Variants in EXOC6 observed in about 807,000 individuals in gnomAD.
EXOC6 encodes SEC15-like 1.
Under a neutral mutation model 112.5 loss-of-function variants are expected in EXOC6, and 60 were observed. That is an observed-to-expected ratio of 0.53 (90% CI 0.43 to 0.66). The LOEUF (loss-of-function observed/expected upper bound fraction) is 0.66. Ranked by LOEUF, EXOC6 falls within the 30% of genes least tolerant of loss-of-function variation. The pLI, the probability that EXOC6 is intolerant of heterozygous loss-of-function variation, is 0.00. For missense variants in EXOC6, 855 were observed against 957.1 expected (o/e 0.89, Z 1.41); for synonymous variants, 295 against 308.0 (o/e 0.96, Z 0.44).
chr10:92,855,718 A>C (rs781003278), intron 1 of EXOC6, among the ~76,000 whole-genome samples: 12 of 150,954 alleles, frequency 7.9e-5, no homozygotes, highest in Non-Finnish European at 1.8e-4. Context: ...TCTTATTTTT[A>C]TTTCTGTAAC....
At chr10:92,845,552 CAAAAAAA>C (rs1169907413), upstream of EXOC6, among the ~76,000 whole-genome samples, 4 of 65,544 alleles carry the variant, frequency 6.1e-5, no homozygotes, top group East Asian at 1.0e-3. Flanking sequence ...GACTCCATCT[CAAAAAAA>C]AAAAAAAAAA....
chr10:92,922,494 A>C (rs1054741274), intron 8 of EXOC6, among the ~76,000 whole-genome samples: 1 of 152,242 alleles, frequency 6.6e-6, no homozygotes, highest in Non-Finnish European at 1.5e-5. Flanking sequence ...AAAGGGTTAC[A>C]TTAATATGTA....
intron 17 of EXOC6, among the ~76,000 whole-genome samples, chr10:92,963,734 TCTC>T (rs1854148441): frequency 6.6e-6 from 1 of 152,102 alleles, no homozygotes; most frequent in Non-Finnish European, 1.5e-5. Context: ...GCTTAAGTGA[TCTC>T]CTGCCTCAGC....
At chr10:92,917,715 A>G (rs1315829533) in intron 7 of EXOC6, among the ~76,000 whole-genome samples, 1 of 152,004 alleles carries the variant, frequency 6.6e-6, no homozygotes, top group African/African-American at 2.4e-5. Context: ...AATTTCTTAT[A>G]GAGACAGAGG....
chr10:92,873,469 C>T (rs1026404464), intron 1 of EXOC6, among the ~76,000 whole-genome samples: 18 of 152,080 alleles, frequency 1.2e-4, no homozygotes, highest in African/African-American at 3.9e-4. Context: ...TACAGAAAAT[C>T]GTTCTTCATT....
At chr10:92,950,253 A>G (rs1233365656) in intron 14 of EXOC6, among the ~76,000 whole-genome samples, 1 of 152,160 alleles carries the variant, frequency 6.6e-6, no homozygotes, top group African/African-American at 2.4e-5. Flanking sequence ...TATAATTTTC[A>G]ATTAAAACTA....
chr10:92,967,737 G>A (rs1842126579), intron 17 of EXOC6, among the ~76,000 whole-genome samples: 1 of 152,178 alleles, frequency 6.6e-6, no homozygotes, highest in African/African-American at 2.4e-5. Context: ...TGCAGCGAAA[G>A]ATAGGAGCAA....
chr10:93,058,401 G>A lies in EXOC6; in HGVS notation c.*46G>A, dbSNP rs202128930. On this transcript the variant is annotated 3_prime_UTR_variant, in exon 22 of 22. Transcript: ENST00000260762. ...AGTGACACCAAATCCATGATTCAAT[G>A]TTGATCTTGAGCAAGTATTGGTCAT... 132 of 1,525,948 alleles carry A rather than the reference G, an allele frequency of 8.7e-5. No individual in the cohort carries two copies. In the African/African-American group the frequency reaches 1.7e-3, roughly 19 times the overall value. The allele number at this position is 1,525,948 out of a possible 1,614,324, so 94.5% of individuals were successfully genotyped here.
intron 17 of EXOC6, among the ~76,000 whole-genome samples, chr10:92,973,629 C>G (rs998423290): frequency 6.6e-6 from 1 of 152,210 alleles, no homozygotes. Flanking sequence ...TGCTTAAACT[C>G]AAAGCACTGG....
intron 1 of EXOC6, among the ~76,000 whole-genome samples, chr10:92,860,599 T>C (rs1437808126): frequency 1.3e-5 from 2 of 152,196 alleles, no homozygotes; most frequent in Non-Finnish European, 2.9e-5. Context: ...GAAACTCTTA[T>C]TAAACACTAA....
intron 4 of EXOC6, among the ~76,000 whole-genome samples, chr10:92,896,147 G>GTGTGTGTGTGTGTATATATA (rs1432410468): frequency 1.2e-4 from 3 of 24,486 alleles, no homozygotes; most frequent in African/African-American, 6.9e-4. Context: ...GTATGTATGT[G>GTGTGTGTGTGTGTATATATA]TATATATATA....
chr10:93,036,632 G>C (rs1845528639), intron 20 of EXOC6, among the ~76,000 whole-genome samples: 1 of 151,912 alleles, frequency 6.6e-6, no homozygotes, highest in Non-Finnish European at 1.5e-5. Flanking sequence ...GGAATTACTG[G>C]GTACTGCTGA....
intron 18 of EXOC6, among the ~76,000 whole-genome samples, chr10:92,983,880 C>T (rs1409401413): frequency 6.6e-6 from 1 of 152,118 alleles, no homozygotes; most frequent in East Asian, 1.9e-4. Flanking sequence ...ATCTTAATTC[C>T]CTTCTATTTG....
intron 9 of EXOC6, among the ~76,000 whole-genome samples, chr10:92,932,648 A>G (rs912030757): frequency 7.9e-5 from 12 of 152,194 alleles, no homozygotes; most frequent in Non-Finnish European, 5.9e-5. Flanking sequence ...AGAGTTGGCC[A>G]CTAAGACACG....
Position 92,946,357 on chromosome 10 carries a change from G to A in EXOC6, c.1311-1917G>A, listed in dbSNP as rs972835386. On this transcript the variant is annotated intron_variant, in intron 13 of 21. Coordinates refer to ENST00000260762, the MANE Select transcript of EXOC6 (RefSeq NM_019053.6). ...TGCAGTGAGCCGAAATTGCACCACC[G>A]CACTCCAGCCTGGGCGACAGAGTGA... is the stretch of plus-strand genomic sequence containing the variant. Among the ~76,000 whole-genome samples the A allele has an allele frequency of 8.6e-5, 13 of 151,678 alleles. No individual in the cohort carries two copies. In the East Asian group the frequency reaches 2.3e-3, roughly 27 times the overall value.
chr10:93,049,133 C>T (rs995505306), intron 20 of EXOC6, among the ~76,000 whole-genome samples: 8 of 151,968 alleles, frequency 5.3e-5, no homozygotes, highest in Middle Eastern at 3.4e-3. Context: ...TCTCAGATCA[C>T]TGCAAGCTCC....
intron 20 of EXOC6, among the ~76,000 whole-genome samples, chr10:93,053,591 C>T (rs1846406504): frequency 6.6e-6 from 1 of 152,238 alleles, no homozygotes. Flanking sequence ...ACTATATTCA[C>T]TTGCCATAGT....
chr10:92,886,886 G>A (rs1424152365), intron 1 of EXOC6, among the ~76,000 whole-genome samples: 1 of 152,108 alleles, frequency 6.6e-6, no homozygotes, highest in African/African-American at 2.4e-5. Context: ...TGGAACTTAT[G>A]GTTCTGTTTT....
chr10:92,990,136 TA>T, intron 18 of EXOC6, among the ~76,000 whole-genome samples: 1 of 152,316 alleles, frequency 6.6e-6, no homozygotes, highest in African/African-American at 2.4e-5. Flanking sequence ...TTTTTCTTAT[TA>T]AGCTTTTTCT....
Sources: allele counts gnomAD v4.1 joint callset (sites outside exome capture counted in the v4.1 genomes callset), GRCh38; gene constraint gnomAD v4.1.1; transcripts MANE v1.5; gene names NCBI Gene and HGNC (gene_info 2026-07-23, HGNC 2026-07-21).